The following GRIN2A variants were observed in gnomAD, a reference collection of about 807,000 sequenced individuals.
GRIN2A encodes glutamate ionotropic receptor NMDA type subunit 2A.
Under a neutral mutation model 113.4 loss-of-function variants are expected in GRIN2A, and 22 were observed. That is an observed-to-expected ratio of 0.19 (90% CI 0.14 to 0.28). The LOEUF is 0.28. Among genes scored for constraint, GRIN2A ranks in the 10% least tolerant of loss-of-function variants. The probability of loss-of-function intolerance (pLI) is 1.00; values close to 1 mark genes in which losing one functional copy is unlikely to be tolerated. For missense variants in GRIN2A, 1,502 were observed against 1,887.0 expected, an observed-to-expected ratio of 0.80 and a Z score of 3.78; for synonymous variants, 827 against 738.4, an observed-to-expected ratio of 1.12 and a Z score of -1.94.
intron 8 of GRIN2A, among the ~76,000 whole-genome samples, chr16:9,832,392 C>T (rs1412075055): frequency 6.6e-6 from 1 of 152,112 alleles, no homozygotes; most frequent in African/African-American, 2.4e-5. Flanking sequence ...CAATGAACAT[C>T]CTTTCCCATT....
chr16:10,022,316 C>A (rs913730473), intron 2 of GRIN2A, among the ~76,000 whole-genome samples: 1 of 151,770 alleles, frequency 6.6e-6, no homozygotes, highest in Admixed American at 6.6e-5. Flanking sequence ...CACATATTCA[C>A]ACACACACGC....
At chr16:10,155,117 G>T (rs189932454) in intron 2 of GRIN2A, among the ~76,000 whole-genome samples, 2 of 152,266 alleles carry the variant, frequency 1.3e-5, no homozygotes, top group East Asian at 3.9e-4. Context: ...ACTTTTTTCT[G>T]TAGGGTCATA....
intron 11 of GRIN2A, among the ~76,000 whole-genome samples, chr16:9,789,073 T>C (rs1156796422): frequency 1.3e-5 from 2 of 152,210 alleles, no homozygotes; most frequent in Non-Finnish European, 2.9e-5. Flanking sequence ...CTCCAGACAG[T>C]CTAGACTAGG....
At chr16:9,889,474 GT>G (rs1220813841) in intron 4 of GRIN2A, among the ~76,000 whole-genome samples, 1 of 151,752 alleles carries the variant, frequency 6.6e-6, no homozygotes, top group Non-Finnish European at 1.5e-5. Flanking sequence ...ATTTTTACTT[GT>G]GTATTTATGA....
intron 2 of GRIN2A, among the ~76,000 whole-genome samples, chr16:10,096,079 T>C (rs781547025): frequency 4.6e-5 from 7 of 152,164 alleles, no homozygotes; most frequent in Non-Finnish European, 1.0e-4. Flanking sequence ...TAAATGCATA[T>C]ACAGTTTAAA....
At chr16:9,826,666 G>A (rs958993112) in intron 9 of GRIN2A, among the ~76,000 whole-genome samples, 1 of 152,022 alleles carries the variant, frequency 6.6e-6, no homozygotes. Flanking sequence ...ATTTACTCCA[G>A]GAATTTTGCT....
At chr16:9,868,646 A>T (rs1015361268) in intron 4 of GRIN2A, among the ~76,000 whole-genome samples, 2 of 152,070 alleles carry the variant, frequency 1.3e-5, no homozygotes, top group Admixed American at 6.5e-5. Flanking sequence ...TCCCCACTGC[A>T]GCTGGAATCA....
At chr16:9,777,737 G>A (rs1901688692) in intron 11 of GRIN2A, among the ~76,000 whole-genome samples, 1 of 152,170 alleles carries the variant, frequency 6.6e-6, no homozygotes, top group African/African-American at 2.4e-5. Context: ...TGGAGTTGGG[G>A]GATTTTATGC....
At chr16:10,086,807 A>G (rs1210704377) in intron 2 of GRIN2A, among the ~76,000 whole-genome samples, 1 of 152,074 alleles carries the variant, frequency 6.6e-6, no homozygotes, top group Non-Finnish European at 1.5e-5. Flanking sequence ...CTCTAAAAAT[A>G]CCCAGCTCAT....
At chr16:10,078,442 C>T (rs979328864) in intron 2 of GRIN2A, among the ~76,000 whole-genome samples, 1 of 150,932 alleles carries the variant, frequency 6.6e-6, no homozygotes, top group African/African-American at 2.4e-5. Flanking sequence ...CCAGCATGTC[C>T]TTGTGGCAGA....
intron 2 of GRIN2A, among the ~76,000 whole-genome samples, chr16:9,981,232 C>G (rs1278287859): frequency 1.3e-5 from 2 of 152,172 alleles, no homozygotes; most frequent in Admixed American, 6.5e-5. Context: ...TCTATGATCT[C>G]AAGGCAGCAC....
At chr16:10,021,336 G>C (rs1385991581) in intron 2 of GRIN2A, among the ~76,000 whole-genome samples, 1 of 152,172 alleles carries the variant, frequency 6.6e-6, no homozygotes, top group East Asian at 1.9e-4. Flanking sequence ...GGCCCTGTGA[G>C]GGGAATCTAC....
intron 4 of GRIN2A, among the ~76,000 whole-genome samples, chr16:9,889,915 T>A (rs1472836644): frequency 6.6e-6 from 1 of 152,238 alleles, no homozygotes; most frequent in Non-Finnish European, 1.5e-5. Context: ...CTCGAAAGGC[T>A]GTGCATTTTA....
chr16:9,793,956 A>G (rs570563422), intron 11 of GRIN2A, among the ~76,000 whole-genome samples: 9 of 152,318 alleles, frequency 5.9e-5, no homozygotes, highest in Admixed American at 5.9e-4. Flanking sequence ...ATTGAGGGTA[A>G]GAAGAAAAAG....
In GRIN2A at chr16:9,938,380, C is replaced by A. The variant is rs901580617; in HGVS notation, c.586G>T (p.Val196Leu). The A allele has an allele frequency of 6.2e-7, 1 of 1,614,148 alleles. No individual in the cohort carries two copies. The highest frequency in any genetic ancestry group is 8.5e-7 in the Non-Finnish European group (1 of 1,179,992). Reference protein sequence around the residue: ...FVKTTVDNSFVGWDMQNVITL... With the variant: ...FVKTTVDNSFLGWDMQNVITL... ...ATCACATTCTGCATGTCCCAGCCCA[C>A]AAAGCTGTTGTCCACTGTGGTCTTG... The change falls in exon 3 of 13, where the codon GTG becomes TTG. Residue 196 changes from valine to leucine, a missense_variant. This residue lies in a region of GRIN2A where 334 missense variants were observed against 403.0 expected (regional missense o/e 0.83). Coordinates refer to ENST00000330684, the MANE Select transcript of GRIN2A (RefSeq NM_001134407.3).
chr16:10,113,644 C>G (rs1042103478), intron 2 of GRIN2A, among the ~76,000 whole-genome samples: 3 of 152,176 alleles, frequency 2.0e-5, no homozygotes, highest in Admixed American at 2.0e-4. Flanking sequence ...TTATACACTA[C>G]TGCATGTATA....
In GRIN2A at chr16:9,970,078, G is replaced by T. The variant is rs535865071; in HGVS notation, c.415-31527C>A. On this transcript the variant is annotated intron_variant, in intron 2 of 12. Coordinates refer to ENST00000330684, the MANE Select transcript of GRIN2A (RefSeq NM_001134407.3). Reference sequence around the variant, plus strand: ...CCAACCTTGACGTCAAAGAAATCTCGAGTTCTTGTTCTGCACCAAGCATTG... The same window carrying T: ...CCAACCTTGACGTCAAAGAAATCTCTAGTTCTTGTTCTGCACCAAGCATTG... 6.6e-5 allele frequency among the ~76,000 whole-genome samples: 10 copies of T among 152,292 alleles called. No homozygotes were observed. In the South Asian group the frequency reaches 1.9e-3, roughly 28 times the overall value.
At chr16:9,836,178 G>A (rs2042581029) in intron 7 of GRIN2A, among the ~76,000 whole-genome samples, 1 of 152,170 alleles carries the variant, frequency 6.6e-6, no homozygotes, top group African/African-American at 2.4e-5. Context: ...ATTGGAGGAG[G>A]ATCATTATGA....
intron 2 of GRIN2A, among the ~76,000 whole-genome samples, chr16:10,103,982 C>T (rs184420807): frequency 3.8e-4 from 58 of 152,358 alleles, no homozygotes; most frequent in African/African-American, 1.3e-3. Flanking sequence ...GCCTGTACCT[C>T]CCTTAGTCAT....
Sources: allele counts gnomAD v4.1 joint callset (sites outside exome capture counted in the v4.1 genomes callset), GRCh38; gene constraint gnomAD v4.1.1; regional missense constraint gnomAD v4.1.1; transcripts MANE v1.5; gene names NCBI Gene and HGNC (gene_info 2026-07-23, HGNC 2026-07-21).